The following RRM1 variants were observed in gnomAD, a reference collection of about 807,000 sequenced individuals.
The protein encoded by RRM1 is ribonucleotide reductase catalytic subunit M1.
In RRM1, 19 loss-of-function variants were observed where a neutral mutation model predicts 101.5. That is an observed-to-expected ratio of 0.19 (90% CI 0.13 to 0.27). RRM1 has a LOEUF of 0.27. Among genes scored for constraint, RRM1 ranks in the 10% least tolerant of loss-of-function variants. RRM1 has a pLI of 1.00. For missense variants in RRM1, 500 were observed against 962.9 expected (o/e 0.52, Z 6.36); for synonymous variants, 298 against 323.4 (o/e 0.92, Z 0.84).
Position 4,126,866 on chromosome 11 carries a change from A to C in RRM1, c.1470+33A>C, listed in dbSNP as rs768724176. On this transcript the variant is annotated intron_variant, in intron 13 of 18. Transcript: ENST00000300738. ...TAGATTTCTCTGCTTATTGGTAATT[A>C]TTGAAATCCAAATTGAAAGGAATCA... 2.1e-5 allele frequency: 33 copies of C among 1,546,220 alleles called. No individual in the cohort carries two copies. In the South Asian group the frequency reaches 3.9e-4, roughly 18 times the overall value.
rs2094551055 is a variant in RRM1, at chr11:4,101,558, C to CG, written c.20-435_20-434insG. On this transcript the variant is annotated intron_variant, in intron 1 of 18. Coordinates refer to ENST00000300738, the MANE Select transcript of RRM1 (RefSeq NM_001033.5). Reference sequence around the variant, plus strand: ...CGAACTCCTGACCTCCAGTGATCCACACCCCCCCCCGCTCCCTTGGCCTCC... The same window carrying CG: ...CGAACTCCTGACCTCCAGTGATCCACGACCCCCCCCCGCTCCCTTGGCCTCC... Among the ~76,000 whole-genome samples, 2 of 31,608 alleles carry CG rather than the reference C, an allele frequency of 6.3e-5. 1 individual carries two copies. Among genetic ancestry groups the CG allele is most frequent in the African/African-American group, 1.7e-4 (2 of 11,946 alleles). The allele number at this position is 31,608 out of a possible 152,430, so 20.7% of individuals were successfully genotyped here. A position where few individuals can be genotyped will look rare whatever the true frequency, so the allele number is the denominator to read the frequency against.
chr11:4,127,193 C>T lies in RRM1; in HGVS notation c.1629C>T (p.Ser543=), dbSNP rs750868040. The T allele has an allele frequency of 1.9e-6, 3 of 1,613,332 alleles. No homozygotes were observed. In the Admixed American group the frequency reaches 5.0e-5, roughly 27 times the overall value. ...ETIYYGALEA[S]CDLAKEQGPY... is the part of the protein sequence containing the mutation. ...TTTATTATGGTGCTCTGGAAGCCAG[C>T]TGTGACCTTGCCAAGGAGCAGGGCC... The change falls in exon 14 of 19, where the codon AGC becomes AGT. Residue 543 remains serine, a synonymous_variant. Coordinates refer to ENST00000300738, the MANE Select transcript of RRM1 (RefSeq NM_001033.5).
intron 8 of RRM1, among the ~76,000 whole-genome samples, chr11:4,118,825 A>G (rs1457653178): frequency 6.6e-6 from 1 of 152,214 alleles, no homozygotes; most frequent in Non-Finnish European, 1.5e-5. Context: ...GGTAACTATG[A>G]TTATAGACTC....
In RRM1 at chr11:4,106,180, C is replaced by T. The variant is rs370659818; in HGVS notation, c.243C>T (p.Ile81=). 40 of 1,613,686 alleles carry T rather than the reference C, an allele frequency of 2.5e-5. No individual in the cohort carries two copies. Among genetic ancestry groups the T allele is most frequent in the Admixed American group, 8.3e-5 (5 of 59,910 alleles). Residue 81 remains isoleucine, a synonymous_variant, in exon 3 of 19, where the codon ATC becomes ATT. Coordinates refer to ENST00000300738, the MANE Select transcript of RRM1 (RefSeq NM_001033.5). Reference sequence around the variant, plus strand: ...ACTATGCTATCCTGGCAGCCAGGATCGCTGTCTCTAACTTGCACAAAGAAA... The same window carrying T: ...ACTATGCTATCCTGGCAGCCAGGATTGCTGTCTCTAACTTGCACAAAGAAA... ...HPDYAILAAR[I]AVSNLHKETK... is the part of the protein sequence containing the mutation.
rs1356779981 is a variant in RRM1 at position 4,132,616 on chromosome 11, G to T, written c.1905+195G>T. Among the ~76,000 whole-genome samples, 1 of 152,176 alleles carries T rather than the reference G, an allele frequency of 6.6e-6. No homozygotes were observed. The highest frequency in any genetic ancestry group is 1.9e-4 in the East Asian group (1 of 5,200). ...ATAGGCATTTAATAAATAATCTGTT[G>T]AAAGAATGAGTGAATGAGGGTCGAG... On this transcript the variant is annotated intron_variant, in intron 16 of 18. Transcript: ENST00000300738. The surrounding 1 kb of genome is among the most constrained non-coding windows in gnomAD (Gnocchi z 4.1).
chr11:4,128,995 T>C, intron 14 of RRM1, 79 bp from the exon 15 acceptor site: 6 of 737,892 alleles, frequency 8.1e-6, no homozygotes, highest in Non-Finnish European at 1.3e-5. Context: ...ACATGGCAGC[T>C]AGTCATTTGT....
At chr11:4,099,926 T>C (rs2094548807) in intron 1 of RRM1, among the ~76,000 whole-genome samples, 1 of 136,006 alleles carries the variant, frequency 7.4e-6, no homozygotes, top group South Asian at 2.4e-4. Flanking sequence ...TAGAATTTTC[T>C]TTTTGCTAAG....
Position 4,119,900 on chromosome 11 carries a change from C to T in RRM1, c.848C>T (p.Ala283Val), listed in dbSNP as rs1470264132. The change falls in exon 9 of 19, where the codon GCT becomes GTT. Residue 283 changes from alanine to valine, a missense_variant. Ala to Val is a moderately conservative substitution (Grantham distance 64, BLOSUM62 0). Around this residue, in one of 9 missense-constraint regions of RRM1, gnomAD observed 111 missense variants for 219.8 expected, o/e 0.51. Transcript: ENST00000300738. ...VPMLRVYNNT[A>V]RYVDQGGNKR... ...ATGCTGAGAGTATATAACAACACAG[C>T]TCGATATGTGGATCAAGGTGGGAAC... The T allele has an allele frequency of 6.2e-7, 1 of 1,605,238 alleles. No individual in the cohort carries two copies. The highest frequency in any genetic ancestry group is 1.3e-5 in the African/African-American group (1 of 74,804).
At chr11:4,099,211 T>G (rs1319723322) in intron 1 of RRM1, 2 of 151,842 alleles carry the variant, frequency 1.3e-5, no homozygotes, top group Non-Finnish European at 2.9e-5. Flanking sequence ...GGTGTGATCT[T>G]GGCTTACTGC....
chr11:4,105,774 A>T, intron 2 of RRM1: 1 of 414,108 alleles, frequency 2.4e-6, no homozygotes. Flanking sequence ...TAGCTTGCCC[A>T]GGCTGGTCTC....
chr11:4,097,295 A>C (rs1430049709), intron 1 of RRM1, among the ~76,000 whole-genome samples: 3 of 151,276 alleles, frequency 2.0e-5, no homozygotes, highest in Non-Finnish European at 2.9e-5. Context: ...AAAAAAAAAA[A>C]AAAAAACCAC....
intron 1 of RRM1, among the ~76,000 whole-genome samples, chr11:4,095,988 G>C (rs1042566663): frequency 6.6e-6 from 1 of 152,218 alleles, no homozygotes; most frequent in Admixed American, 6.5e-5. Flanking sequence ...TTAATCGACT[G>C]GTTGTTTCTA....
intron 1 of RRM1, among the ~76,000 whole-genome samples, chr11:4,099,866 T>C (rs1199142114): frequency 8.5e-6 from 1 of 117,440 alleles, no homozygotes. Context: ...ACCAATGCAC[T>C]TTTTTTTTTT....
rs193005797 is a variant in RRM1 at position 4,125,167 on chromosome 11, C to T, written c.1321-1517C>T. Among the ~76,000 whole-genome samples, 32 of 152,224 alleles carry T rather than the reference C, an allele frequency of 2.1e-4. 1 individual carries two copies. The East Asian group carries it at 5.0e-3, about 24-fold the overall frequency. ...TGACCTCGTGATCCGCCCACCTCAG[C>T]CTCCCAAAGTGTTGGGATTACAGGC... On this transcript the variant is annotated intron_variant, in intron 12 of 18. Transcript: ENST00000300738.
In RRM1 at chr11:4,111,303, C is replaced by T. The variant is rs6578442; in HGVS notation, c.448-298C>T. Among the ~76,000 whole-genome samples the T allele has an allele frequency of 6.2e-3, 946 of 151,548 alleles. 11 individuals are homozygous for T. Among genetic ancestry groups the T allele is most frequent in the African/African-American group, 0.022 (905 of 41,270 alleles). On this transcript the variant is annotated intron_variant, in intron 5 of 18. Coordinates refer to ENST00000300738, the MANE Select transcript of RRM1 (RefSeq NM_001033.5). ...GTGGGCGCCTGTAGTCCCAGCTACTCGGTAGCCTGAGGCAGGAGAATGGCA... is the reference window on the plus strand; with the variant it reads ...GTGGGCGCCTGTAGTCCCAGCTACTTGGTAGCCTGAGGCAGGAGAATGGCA...
At chr11:4,108,334 C>CAA (rs2094560968) in intron 4 of RRM1, among the ~76,000 whole-genome samples, 2 of 152,148 alleles carry the variant, frequency 1.3e-5, no homozygotes, top group Admixed American at 1.3e-4. Flanking sequence ...CGCGGTAGCT[C>CAA]ACGCCTGTAA....
Position 4,133,665 on chromosome 11 carries a change from A to T in RRM1, c.2001+7A>T. On this transcript the variant is annotated splice_region_variant and intron_variant, in intron 17 of 18. Transcript: ENST00000300738. Reference sequence around the variant, plus strand: ...ATGCAATGGCTCTATTCAGGTATAGAATGAAAATGAAGTGTGCTCTGCAGG... The same window carrying T: ...ATGCAATGGCTCTATTCAGGTATAGTATGAAAATGAAGTGTGCTCTGCAGG... The T allele has an allele frequency of 3.2e-6, 5 of 1,560,092 alleles. No homozygotes were observed. The highest frequency in any genetic ancestry group is 4.4e-6 in the Non-Finnish European group (5 of 1,132,090).
chr11:4,104,554 T>G (rs2094555973), intron 2 of RRM1, among the ~76,000 whole-genome samples: 1 of 152,138 alleles, frequency 6.6e-6, no homozygotes, highest in African/African-American at 2.4e-5. Context: ...AACAGTGAAA[T>G]GCAGTGAGGT....
Position 4,135,096 on chromosome 11 carries a change from T to A in RRM1, c.2016T>A (p.Ile672=). 6.2e-7 allele frequency: 1 copy of A among 1,609,880 alleles called. No homozygotes were observed. Among genetic ancestry groups the A allele is most frequent in the South Asian group, 1.1e-5 (1 of 90,302 alleles). Residue 672 remains isoleucine, a synonymous_variant, in exon 18 of 19, where the codon ATT becomes ATA. Coordinates refer to ENST00000300738, the MANE Select transcript of RRM1 (RefSeq NM_001033.5). The part of the protein sequence containing the change: ...CNGSIQSIPE[I]PDDLKQLYKT... ...TCCTTCTTTAGAGCATACCAGAAAT[T>A]CCTGATGACCTGAAGCAACTTTATA...
Sources: allele counts gnomAD v4.1 joint callset (sites outside exome capture counted in the v4.1 genomes callset), GRCh38; gene constraint gnomAD v4.1.1; regional missense constraint gnomAD v4.1.1; non-coding constraint Gnocchi (gnomAD v3.1); transcripts MANE v1.5; gene names NCBI Gene and HGNC (gene_info 2026-07-23, HGNC 2026-07-21).